LYN: variants seen among roughly 807,000 people sequenced by gnomAD.
LYN encodes LYN proto-oncogene, Src family tyrosine kinase.
A neutral mutation model predicts 65.0 loss-of-function variants in LYN; 12 were observed. The observed-to-expected ratio is 0.18, with a 90% CI of 0.12 to 0.30. The LOEUF is 0.30. Ranked by LOEUF, LYN falls within the 10% of genes least tolerant of loss-of-function variation. LYN has a pLI of 1.00. For missense variants in LYN, 380 were observed against 623.2 expected (o/e 0.61, Z 4.16); for synonymous variants, 222 against 221.2 (o/e 1.00, Z -0.03).
At chr8:55,918,811 C>T (rs886892503) in intron 1 of LYN, among the ~76,000 whole-genome samples, 15 of 152,178 alleles carry the variant, frequency 9.9e-5, no homozygotes, top group Middle Eastern at 6.8e-3. Flanking sequence ...GGATTCTGAT[C>T]GGGTCCTGAT....
At chr8:55,908,162 C>T (rs1479018631) in intron 1 of LYN, among the ~76,000 whole-genome samples, 5 of 151,962 alleles carry the variant, frequency 3.3e-5, no homozygotes. Flanking sequence ...AGCTTGAAAG[C>T]TAAAAATAGA....
At chr8:56,005,336 ACACTTTCCCCACCTC>A (rs1186067842) in intron 12 of LYN, among the ~76,000 whole-genome samples, 1 of 152,140 alleles carries the variant, frequency 6.6e-6, no homozygotes, top group Non-Finnish European at 1.5e-5. Flanking sequence ...CTTCCATACC[ACACTTTCCCCACCTC>A]CACTTGGGCC....
rs1162202927 is a variant in LYN, at chr8:55,998,439, A to C, written c.1144A>C (p.Lys382Gln). Residue 382 changes from lysine to glutamine, a missense_variant, in exon 11 of 13, where the codon AAA (lysine) becomes CAA (glutamine). Physicochemically the swap from Lys to Gln is moderately conservative, Grantham distance 53 (BLOSUM62 1). Coordinates refer to ENST00000519728, the MANE Select transcript of LYN (RefSeq NM_002350.4). The part of the protein sequence containing the change: ...NVLVSESLMC[K>Q]IADFGLARVI... Reference sequence around the variant, plus strand: ...TCTGGTCTCCGAGTCACTCATGTGCAAAATTGCAGATTTTGGCCTTGCTAG... The same window carrying C: ...TCTGGTCTCCGAGTCACTCATGTGCCAAATTGCAGATTTTGGCCTTGCTAG... The C allele has an allele frequency of 6.2e-7, 1 of 1,614,030 alleles. No homozygotes were observed. Among genetic ancestry groups the C allele is most frequent in the African/African-American group, 1.3e-5 (1 of 74,940 alleles).
chr8:55,939,536 G>T (rs945502070), intron 1 of LYN, among the ~76,000 whole-genome samples: 7 of 152,018 alleles, frequency 4.6e-5, no homozygotes, highest in Admixed American at 1.3e-4. Context: ...ACGCAGTGGG[G>T]GGGGGACAGG....
Position 56,011,370 on chromosome 8 carries a change from C to T in LYN, c.*1260C>T, listed in dbSNP as rs1259045914. 5 of 215,420 alleles carry T rather than the reference C, an allele frequency of 2.3e-5. No individual in the cohort carries two copies. Among genetic ancestry groups the T allele is most frequent in the Non-Finnish European group, 3.7e-5 (4 of 107,058 alleles). 13.3% of individuals were successfully genotyped at this position (215,420 alleles called of 1,614,324 possible). A position where few individuals can be genotyped will look rare whatever the true frequency, so the allele number is the denominator to read the frequency against. On this transcript the variant is annotated 3_prime_UTR_variant, in exon 13 of 13. Transcript: ENST00000519728. ...TTTTTGATTTTATTTTAATACACCT[C>T]GTCCAATAACATCTCAAGCTTTTTA...
intron 12 of LYN, among the ~76,000 whole-genome samples, chr8:56,002,045 C>G (rs962370124): frequency 5.9e-5 from 9 of 152,170 alleles, no homozygotes; most frequent in Non-Finnish European, 1.0e-4. Flanking sequence ...CTTTGGGAGG[C>G]TGAGGCAGGT....
chr8:55,977,099 C>T (rs370527642), intron 10 of LYN, among the ~76,000 whole-genome samples: 4 of 151,992 alleles, frequency 2.6e-5, no homozygotes, highest in East Asian at 3.9e-4. Context: ...GCAGGAGAAT[C>T]GCTTGAACCC....
At chr8:56,002,438 GAATAA>G (rs1201153266) in intron 12 of LYN, among the ~76,000 whole-genome samples, 1 of 147,654 alleles carries the variant, frequency 6.8e-6, no homozygotes, top group African/African-American at 2.6e-5. Context: ...AAAAAAAAAA[GAATAA>G]AATAAAATAA....
At chr8:55,889,269 T>C (rs1804886342) in intron 1 of LYN, among the ~76,000 whole-genome samples, 1 of 152,226 alleles carries the variant, frequency 6.6e-6, no homozygotes, top group Non-Finnish European at 1.5e-5. Context: ...AGGAGTACAG[T>C]GGTGCAGTCA....
At chr8:55,950,044 C>T (rs149584056) in intron 4 of LYN, among the ~76,000 whole-genome samples, 2 of 152,236 alleles carry the variant, frequency 1.3e-5, no homozygotes, top group African/African-American at 4.8e-5. Flanking sequence ...TTTTGACTGC[C>T]TTCTTTTATT....
At position 55,968,272 on chromosome 8, in the gene LYN, T is replaced by G. The variant is rs554561269; in HGVS notation, c.973+1375T>G. The stretch of plus-strand genomic sequence containing the variant: ...CTAATATATATATATATTTATTTTT[T>G]TGAGACAGAGTCTCACTCTATCACC... On this transcript the variant is annotated intron_variant, in intron 9 of 12. Transcript: ENST00000519728. 2.4e-4 allele frequency among the ~76,000 whole-genome samples: 37 copies of G among 152,258 alleles called. 1 individual carries two copies. In the South Asian group the frequency reaches 3.9e-3, roughly 16 times the overall value.
At chr8:55,934,730 G>A (rs532117549) in intron 1 of LYN, among the ~76,000 whole-genome samples, 2 of 152,272 alleles carry the variant, frequency 1.3e-5, no homozygotes, top group Non-Finnish European at 2.9e-5. Flanking sequence ...CTGTGTTGAG[G>A]GGGGTGCACC....
intron 10 of LYN, among the ~76,000 whole-genome samples, chr8:55,990,773 T>A (rs1479732418): frequency 6.6e-6 from 1 of 152,184 alleles, no homozygotes; most frequent in African/African-American, 2.4e-5. Context: ...CAATTCCCCC[T>A]TCTCATCATG....
Position 55,998,515 on chromosome 8 carries a change from G to C in LYN, c.1204+16G>C. 6.3e-7 allele frequency: 1 copy of C among 1,592,774 alleles called. No individual in the cohort carries two copies. The highest frequency in any genetic ancestry group is 8.6e-7 in the Non-Finnish European group (1 of 1,162,110). On this transcript the variant is annotated intron_variant, in intron 11 of 12. Coordinates refer to ENST00000519728, the MANE Select transcript of LYN (RefSeq NM_002350.4). The stretch of plus-strand genomic sequence containing the variant: ...GCAAGGGAAGGTATGTTGCACTAAT[G>C]ATCTTTAGATGTTTTATTATTGTGT...
chr8:55,983,901 A>G (rs1808000142), intron 10 of LYN, among the ~76,000 whole-genome samples: 1 of 152,182 alleles, frequency 6.6e-6, no homozygotes, highest in Admixed American at 6.5e-5. Flanking sequence ...AACAATAGAA[A>G]TGTATTTTCC....
intron 10 of LYN, among the ~76,000 whole-genome samples, chr8:55,972,542 T>C (rs1355085130): frequency 1.3e-5 from 2 of 152,168 alleles, no homozygotes; most frequent in Non-Finnish European, 2.9e-5. Flanking sequence ...CTCGTCCGCC[T>C]GGGATGCCCT....
intron 1 of LYN, among the ~76,000 whole-genome samples, chr8:55,882,933 G>A (rs544222417): frequency 3.5e-4 from 53 of 152,258 alleles, no homozygotes; most frequent in African/African-American, 1.2e-3. Context: ...AACTTATGAT[G>A]AGGCTGTGTC....
chr8:55,985,852 C>A (rs1563324574), intron 10 of LYN, among the ~76,000 whole-genome samples: 2 of 152,130 alleles, frequency 1.3e-5, no homozygotes, highest in Non-Finnish European at 1.5e-5. Context: ...AATGGAGATA[C>A]CTTGACCTTC....
At chr8:55,896,714 G>A (rs1424799855) in intron 1 of LYN, among the ~76,000 whole-genome samples, 2 of 152,096 alleles carry the variant, frequency 1.3e-5, no homozygotes, top group South Asian at 2.1e-4. Flanking sequence ...AGTAAGAGAG[G>A]CATTCCCCCC....
Sources: allele counts gnomAD v4.1 joint callset (sites outside exome capture counted in the v4.1 genomes callset), GRCh38; gene constraint gnomAD v4.1.1; transcripts MANE v1.5; gene names NCBI Gene and HGNC (gene_info 2026-07-23, HGNC 2026-07-21).